The following ADCY8 variants were observed in gnomAD, a reference collection of about 807,000 sequenced individuals.
ADCY8 encodes adenylate cyclase type 8.
In ADCY8, 51 loss-of-function variants were observed where a neutral mutation model predicts 119.7. That is an observed-to-expected ratio of 0.43 (90% CI 0.34 to 0.54). The LOEUF (loss-of-function observed/expected upper bound fraction) is 0.54. Ranked by LOEUF, ADCY8 falls within the 20% of genes least tolerant of loss-of-function variation. The probability of loss-of-function intolerance (pLI) is 0.03; values close to 1 mark genes in which losing one functional copy is unlikely to be tolerated. For synonymous variants in ADCY8, 665 were observed against 651.0 expected, an observed-to-expected ratio of 1.02 and a Z score of -0.33; for missense variants, 1,383 against 1,598.8, an observed-to-expected ratio of 0.87 and a Z score of 2.30.
chr8:130,845,563 C>T (rs1281577998), intron 11 of ADCY8, among the ~76,000 whole-genome samples: 1 of 152,100 alleles, frequency 6.6e-6, no homozygotes, highest in Non-Finnish European at 1.5e-5. Context: ...TTACTCTCTC[C>T]AAAAGTTGAG....
intron 12 of ADCY8, among the ~76,000 whole-genome samples, chr8:130,833,400 G>A (rs1037380038): frequency 6.6e-6 from 1 of 152,134 alleles, no homozygotes; most frequent in African/African-American, 2.4e-5. Context: ...AGTTTATAAA[G>A]AACTCTTACA....
intron 15 of ADCY8, 131 bp from the exon 16 acceptor site, chr8:130,785,606 C>G (rs1001947117): frequency 1.8e-6 from 1 of 562,822 alleles, no homozygotes; most frequent in South Asian, 2.8e-5. Flanking sequence ...ATCTGCTTTT[C>G]TCTCTGAGAA....
At chr8:130,853,383 G>A (rs1418926921) in intron 9 of ADCY8, among the ~76,000 whole-genome samples, 2 of 152,302 alleles carry the variant, frequency 1.3e-5, no homozygotes, top group Admixed American at 1.3e-4. Context: ...GAGTGCGTTG[G>A]TTTAATCTTT....
At chr8:130,843,724 T>C (rs1461775029) in intron 11 of ADCY8, among the ~76,000 whole-genome samples, 2 of 152,212 alleles carry the variant, frequency 1.3e-5, no homozygotes, top group African/African-American at 2.4e-5. Context: ...AAAACATAGA[T>C]TGTGGGCCTT....
At chr8:130,872,180 C>T (rs1586512126) in intron 8 of ADCY8, among the ~76,000 whole-genome samples, 1 of 152,204 alleles carries the variant, frequency 6.6e-6, no homozygotes, top group East Asian at 1.9e-4. Context: ...AGGTCAAAAT[C>T]TAGGATAAGG....
chr8:130,835,374 G>T (rs560595553), intron 12 of ADCY8, among the ~76,000 whole-genome samples: 1 of 152,330 alleles, frequency 6.6e-6, no homozygotes, highest in African/African-American at 2.4e-5. Context: ...CTTAGAGCCT[G>T]CCCAGAGGCA....
At chr8:130,817,390 G>T (rs1338462593) in intron 13 of ADCY8, among the ~76,000 whole-genome samples, 7 of 152,224 alleles carry the variant, frequency 4.6e-5, no homozygotes, top group Non-Finnish European at 1.0e-4. Flanking sequence ...CCAGTGTCCA[G>T]ATTGTGGTTT....
In ADCY8 at chr8:130,780,406, T is replaced by A. The variant is rs1219467974; in HGVS notation, c.3740A>T (p.Lys1247Ile). The A allele has an allele frequency of 2.0e-6, 3 of 1,509,980 alleles. No homozygotes were observed. Among genetic ancestry groups the A allele is most frequent in the South Asian group, 2.9e-5 (2 of 69,366 alleles). The allele number at this position is 1,509,980 out of a possible 1,614,324, so 93.5% of individuals were successfully genotyped here. The stretch of plus-strand genomic sequence containing the variant: ...AAAATGCTTTTATGGCAAATCAGAT[T>A]TGTCGGTGCCTTCAGCCTGGGCTCC... ...EPGAQAEGTDKSDLP is the reference protein window; with the variant it reads ...EPGAQAEGTDISDLP Residue 1247 changes from lysine (K) to isoleucine (I), a missense_variant, in exon 18 of 18, where the codon AAA becomes ATA. This residue lies in a region of ADCY8 where 928 missense variants were observed against 1,163.5 expected (regional missense o/e 0.80). Coordinates refer to ENST00000286355, the MANE Select transcript of ADCY8 (RefSeq NM_001115.3).
chr8:130,785,418 A>G lies in ADCY8; in HGVS notation c.3118T>C (p.Tyr1040His). ...GGTGACAGGCCTGACACGGCCATGT[A>G]GGTGCTGCCAATGGTCTTAATCTTT... ...IEKIKTIGST[Y>H]MAVSGLSPEK... The change falls in exon 16 of 18, where the codon TAC (tyrosine) becomes CAC (histidine). Residue 1040 changes from tyrosine (Y) to histidine (H), a missense_variant. Physicochemically the swap from Tyr to His is moderately conservative, Grantham distance 83. Transcript: ENST00000286355. The G allele has an allele frequency of 1.9e-6, 3 of 1,609,256 alleles. No individual in the cohort carries two copies. Among genetic ancestry groups the G allele is most frequent in the African/African-American group, 1.3e-5 (1 of 74,818 alleles).
At chr8:130,869,518 G>GTTTTTTTTTTTTT (rs141048498) in intron 8 of ADCY8, among the ~76,000 whole-genome samples, 2 of 118,772 alleles carry the variant, frequency 1.7e-5, no homozygotes, top group Non-Finnish European at 3.4e-5. Context: ...ATTTTTTTTT[G>GTTTTTTTTTTTTT]TTTTTTTGTT....
intron 15 of ADCY8, among the ~76,000 whole-genome samples, chr8:130,793,731 G>A (rs1427282379): frequency 6.6e-6 from 1 of 152,194 alleles, no homozygotes; most frequent in Non-Finnish European, 1.5e-5. Context: ...CAGGGTGGAA[G>A]AGTATTAGTT....
chr8:130,797,780 C>T (rs1815631805), intron 15 of ADCY8, among the ~76,000 whole-genome samples: 1 of 152,216 alleles, frequency 6.6e-6, no homozygotes. Flanking sequence ...GATGGTGAAG[C>T]CTTGGGAGGC....
intron 2 of ADCY8, among the ~76,000 whole-genome samples, chr8:130,981,927 C>A (rs530848209): frequency 6.6e-6 from 1 of 152,296 alleles, no homozygotes; most frequent in East Asian, 1.9e-4. Context: ...GATTTTCTTA[C>A]AACCAGCTTG....
At chr8:130,963,498 A>C (rs566326438) in intron 2 of ADCY8, among the ~76,000 whole-genome samples, 2 of 152,156 alleles carry the variant, frequency 1.3e-5, no homozygotes, top group Admixed American at 1.3e-4. Context: ...GTATTCAACA[A>C]ATTTTTTATT....
At chr8:130,886,691 G>T (rs1818997614) in intron 7 of ADCY8, among the ~76,000 whole-genome samples, 1 of 152,116 alleles carries the variant, frequency 6.6e-6, no homozygotes, top group African/African-American at 2.4e-5. Flanking sequence ...TGGAGCTGGG[G>T]TCTAACAGCT....
intron 6 of ADCY8, among the ~76,000 whole-genome samples, chr8:130,909,015 C>G (rs1029384299): frequency 1.9e-5 from 2 of 102,880 alleles, no homozygotes; most frequent in Non-Finnish European, 4.9e-5. Flanking sequence ...CTCTCTTTCT[C>G]TATCTCCATC....
intron 16 of ADCY8, 140 bp from the exon 17 acceptor site, chr8:130,783,945 C>G (rs1191982110): frequency 3.2e-6 from 2 of 620,162 alleles, no homozygotes; most frequent in African/African-American, 1.8e-5. Flanking sequence ...GTGAGCCCCT[C>G]TACACTCAAG....
At chr8:130,847,315 C>A in intron 11 of ADCY8, 109 bp downstream of exon 11, 1 of 709,224 alleles carries the variant, frequency 1.4e-6, no homozygotes, top group Non-Finnish European at 2.4e-6. Context: ...AGAAGGAAAA[C>A]AGGCCTCTTG....
chr8:130,780,911 G>T lies in ADCY8; in HGVS notation c.3269-34C>A, dbSNP rs7824494. On this transcript the variant is annotated intron_variant, in intron 17 of 17. Coordinates refer to ENST00000286355, the MANE Select transcript of ADCY8 (RefSeq NM_001115.3). ...TGAAGCAAAGGAGCAAGAAGTCAGA[G>T]GGAGAAGGGGGACAATGGGGTGTTT... is the stretch of plus-strand genomic sequence containing the variant. 3.7e-6 allele frequency: 6 copies of T among 1,603,512 alleles called. 1 individual carries two copies. Among genetic ancestry groups the T allele is most frequent in the South Asian group, 3.4e-5 (3 of 89,356 alleles).
Sources: allele counts gnomAD v4.1 joint callset (sites outside exome capture counted in the v4.1 genomes callset), GRCh38; gene constraint gnomAD v4.1.1; regional missense constraint gnomAD v4.1.1; transcripts MANE v1.5; gene names NCBI Gene and HGNC (gene_info 2026-07-23, HGNC 2026-07-21).